Variants in MOB3B observed in about 807,000 individuals in gnomAD.
The protein encoded by MOB3B is MOB kinase activator 3B.
In MOB3B, 7 loss-of-function variants were observed where a neutral mutation model predicts 18.7. That is an observed-to-expected ratio of 0.37 (90% confidence interval 0.21 to 0.70). The LOEUF (loss-of-function observed/expected upper bound fraction) is 0.70, where lower values mean the gene tolerates loss of function less well. Ranked by LOEUF, MOB3B falls within the 30% of genes least tolerant of loss-of-function variation. The pLI is 0.52. For missense variants in MOB3B, 253 were observed against 281.3 expected, an observed-to-expected ratio of 0.90 and a Z score of 0.72; for synonymous variants, 111 against 99.9, an observed-to-expected ratio of 1.11 and a Z score of -0.66.
At chr9:27,400,391 G>A (rs1821859970) in intron 2 of MOB3B, among the ~76,000 whole-genome samples, 1 of 152,164 alleles carries the variant, frequency 6.6e-6, no homozygotes, top group Non-Finnish European at 1.5e-5. Context: ...TCAACAGGCT[G>A]TTTTATGCCC....
At chr9:27,507,502 C>A (rs145773732) in intron 1 of MOB3B, among the ~76,000 whole-genome samples, 1 of 152,194 alleles carries the variant, frequency 6.6e-6, no homozygotes, top group African/African-American at 2.4e-5. Flanking sequence ...CTTACAGCAA[C>A]CAGGACTGGC....
chr9:27,465,341 C>T (rs1819365210), intron 1 of MOB3B, among the ~76,000 whole-genome samples: 2 of 152,188 alleles, frequency 1.3e-5, no homozygotes, highest in African/African-American at 4.8e-5. Context: ...CCAGGTCTGA[C>T]ATCCAGGTCA....
At chr9:27,466,642 G>C (rs1003914263) in intron 1 of MOB3B, among the ~76,000 whole-genome samples, 1 of 152,184 alleles carries the variant, frequency 6.6e-6, no homozygotes, top group South Asian at 2.1e-4. Context: ...GGTTGGGGAG[G>C]CCTCAGAATC....
intron 1 of MOB3B, among the ~76,000 whole-genome samples, chr9:27,463,872 C>T (rs575256650): frequency 6.6e-6 from 1 of 152,182 alleles, no homozygotes; most frequent in South Asian, 2.1e-4. Flanking sequence ...GGGAGGATCA[C>T]CTGAGCCTGG....
intron 3 of MOB3B, among the ~76,000 whole-genome samples, chr9:27,341,023 C>T (rs566324679): frequency 1.3e-5 from 2 of 152,198 alleles, no homozygotes; most frequent in Non-Finnish European, 2.9e-5. Context: ...GGCCCAATGC[C>T]CCCTGTAGGG....
At chr9:27,336,931 C>T (rs923783945) in intron 3 of MOB3B, among the ~76,000 whole-genome samples, 4 of 152,266 alleles carry the variant, frequency 2.6e-5, no homozygotes, top group South Asian at 2.1e-4. Context: ...AGGAAAGCTG[C>T]GAGTCCCCCG....
At chr9:27,487,685 G>T (rs1402740913) in intron 1 of MOB3B, among the ~76,000 whole-genome samples, 3 of 152,040 alleles carry the variant, frequency 2.0e-5, no homozygotes, top group Non-Finnish European at 4.4e-5. Context: ...GGGGCTGCTT[G>T]GCCACCTGAC....
chr9:27,376,191 C>G (rs572330370), intron 2 of MOB3B, among the ~76,000 whole-genome samples: 7 of 152,278 alleles, frequency 4.6e-5, no homozygotes, highest in African/African-American at 1.7e-4. Flanking sequence ...ATAACCATCA[C>G]ACAGACTCAG....
intron 1 of MOB3B, among the ~76,000 whole-genome samples, chr9:27,497,144 T>C (rs1819915130): frequency 6.6e-6 from 1 of 152,198 alleles, no homozygotes; most frequent in Admixed American, 6.5e-5. Flanking sequence ...AGCTCCCTGT[T>C]TGGGGCTCTT....
chr9:27,523,838 G>T (rs946809372), intron 1 of MOB3B, among the ~76,000 whole-genome samples: 11 of 152,182 alleles, frequency 7.2e-5, no homozygotes, highest in Non-Finnish European at 1.5e-5. Flanking sequence ...AATAATCACA[G>T]TCATTTGGTC....
At chr9:27,437,345 C>T (rs983680418) in intron 2 of MOB3B, among the ~76,000 whole-genome samples, 8 of 152,112 alleles carry the variant, frequency 5.3e-5, no homozygotes, top group Non-Finnish European at 1.2e-4. Context: ...TTCTAATGTT[C>T]TAAACTCTGA....
rs1821051047 is a variant in MOB3B, at chr9:27,347,791, A to G, written c.621+11243T>C. ...ACATTTAGATACACAAATACTTACCATTATGTTACAGTTGCCTACAGTATT... is the reference window on the plus strand; with the variant it reads ...ACATTTAGATACACAAATACTTACCGTTATGTTACAGTTGCCTACAGTATT... On this transcript the variant is annotated intron_variant, in intron 3 of 3. Coordinates refer to ENST00000262244, the MANE Select transcript of MOB3B (RefSeq NM_024761.5). Among the ~76,000 whole-genome samples, 3 of 152,194 alleles carry G rather than the reference A, an allele frequency of 2.0e-5. No homozygotes were observed. In the South Asian group the frequency reaches 6.2e-4, roughly 31 times the overall value.
At chr9:27,524,171 AGCCTCAGAGG>A in intron 1 of MOB3B, 1 of 442,574 alleles carries the variant, frequency 2.3e-6, no homozygotes, top group Non-Finnish European at 3.7e-6. Context: ...AAAAAAAAAA[AGCCTCAGAGG>A]CAAAGGAAAG....
At chr9:27,343,468 C>T (rs969117988) in intron 3 of MOB3B, among the ~76,000 whole-genome samples, 4 of 103,846 alleles carry the variant, frequency 3.9e-5, no homozygotes, top group Middle Eastern at 5.6e-3. Context: ...CAAGAATGCT[C>T]AATAAATACT....
At chr9:27,509,288 G>A (rs184563328) in intron 1 of MOB3B, among the ~76,000 whole-genome samples, 3 of 151,936 alleles carry the variant, frequency 2.0e-5, no homozygotes, top group Admixed American at 6.6e-5. Flanking sequence ...AAGGGAGGAA[G>A]GAAGACAGGG....
intron 1 of MOB3B, among the ~76,000 whole-genome samples, chr9:27,496,879 C>G (rs1819910312): frequency 6.6e-6 from 1 of 152,088 alleles, no homozygotes; most frequent in South Asian, 2.1e-4. Context: ...TACATGTTCC[C>G]CAGCAGACAT....
At chr9:27,335,739 A>G (rs912250547) in intron 3 of MOB3B, among the ~76,000 whole-genome samples, 2 of 152,120 alleles carry the variant, frequency 1.3e-5, no homozygotes, top group Non-Finnish European at 2.9e-5. Flanking sequence ...ACCAGTTGTC[A>G]TCTCCTTAGG....
At chr9:27,467,412 T>G (rs1819401844) in intron 1 of MOB3B, among the ~76,000 whole-genome samples, 2 of 152,244 alleles carry the variant, frequency 1.3e-5, no homozygotes, top group South Asian at 4.1e-4. Context: ...TTAATCTGGA[T>G]TTCTCCTATG....
chr9:27,432,407 A>AT (rs1822431165), intron 2 of MOB3B, among the ~76,000 whole-genome samples: 2 of 152,106 alleles, frequency 1.3e-5, no homozygotes, highest in South Asian at 4.1e-4. Context: ...TAAAGCTTTT[A>AT]TTTTTAGTAG....
Sources: allele counts gnomAD v4.1 joint callset (sites outside exome capture counted in the v4.1 genomes callset), GRCh38; gene constraint gnomAD v4.1.1; transcripts MANE v1.5; gene names NCBI Gene and HGNC (gene_info 2026-07-23, HGNC 2026-07-21).